Variants in PPEF2 observed in about 807,000 individuals in gnomAD.
PPEF2 encodes the protein protein phosphatase with EF-hand domain 2, also known as serine/threonine-protein phosphatase with EF-hands 2.
Under a neutral mutation model 84.7 loss-of-function variants are expected in PPEF2, and 84 were observed. The observed-to-expected ratio is 0.99, with a 90% CI of 0.83 to 1.19. The LOEUF (loss-of-function observed/expected upper bound fraction) is 1.19. PPEF2 is among the 50% of genes most tolerant of loss of function. The pLI is 0.00. For missense variants in PPEF2, 924 were observed against 937.5 expected, an observed-to-expected ratio of 0.99 and a Z score of 0.19; for synonymous variants, 346 against 345.2, an observed-to-expected ratio of 1.00 and a Z score of -0.03.
At chr4:75,898,863 C>T (rs1256379654) in intron 1 of PPEF2, among the ~76,000 whole-genome samples, 1 of 152,014 alleles carries the variant, frequency 6.6e-6, no homozygotes, top group Non-Finnish European at 1.5e-5. Context: ...GTTATGAGGA[C>T]ATTCAAAATT....
rs10605237 is a variant in PPEF2 at position 75,893,499 on chromosome 4, C to CAT, written c.56-1522_56-1521insAT. Among the ~76,000 whole-genome samples, 10 of 150,116 alleles carry CAT rather than the reference C, an allele frequency of 6.7e-5. No homozygotes were observed. The East Asian group carries it at 1.8e-3, about 26-fold the overall frequency. On this transcript the variant is annotated intron_variant, in intron 2 of 16. Coordinates refer to ENST00000286719, the MANE Select transcript of PPEF2 (RefSeq NM_006239.3). ...GGCTAGAGACTCTGACACACACACA[C>CAT]ACACACACACTCACACACAAAAGAG... is the stretch of plus-strand genomic sequence containing the variant.
At chr4:75,887,534 T>A (rs111248982) in intron 6 of PPEF2, among the ~76,000 whole-genome samples, 1 of 150,016 alleles carries the variant, frequency 6.7e-6, no homozygotes, top group Non-Finnish European at 1.5e-5. Flanking sequence ...GGCAGGAGAA[T>A]CGTGTGAACC....
At chr4:75,884,464 G>A in intron 8 of PPEF2, 130 bp downstream of exon 8, 1 of 1,080,356 alleles carries the variant, frequency 9.3e-7, no homozygotes, top group Non-Finnish European at 1.3e-6. Flanking sequence ...TATATACTGT[G>A]TATTCTGCTT....
chr4:75,891,777 C>G, intron 3 of PPEF2, 72 bp from the exon 4 acceptor site: 1 of 1,596,072 alleles, frequency 6.3e-7, no homozygotes, highest in Non-Finnish European at 8.6e-7. Flanking sequence ...TCCAGTTGGC[C>G]TCACTTTAGG....
chr4:75,867,257 A>G (rs1724152131), intron 14 of PPEF2, 56 bp downstream of exon 14: 1 of 1,369,172 alleles, frequency 7.3e-7, no homozygotes, highest in African/African-American at 1.5e-5. Flanking sequence ...AGTGTAAGAC[A>G]GAGATTTTCT....
At chr4:75,865,097 C>A (rs920446618) in intron 15 of PPEF2, among the ~76,000 whole-genome samples, 4 of 151,790 alleles carry the variant, frequency 2.6e-5, no homozygotes, top group African/African-American at 7.3e-5. Context: ...CCACCATGCC[C>A]GGCTAATTTT....
At chr4:75,901,738 G>A (rs76167782) in intron 1 of PPEF2, among the ~76,000 whole-genome samples, 252 of 152,222 alleles carry the variant, frequency 1.7e-3, no homozygotes, top group African/African-American at 5.5e-3. Context: ...TCCACCCAAC[G>A]TGGGTGAGAC....
intron 2 of PPEF2, 24 bp from the exon 3 acceptor site, chr4:75,892,002 G>A: frequency 6.2e-7 from 1 of 1,607,510 alleles, no homozygotes; most frequent in Non-Finnish European, 8.5e-7. Flanking sequence ...GGAGAAGCAA[G>A]CCTGTGAGCT....
Position 75,867,305 on chromosome 4 carries a change from A to G in PPEF2, c.1756+8T>C. The G allele has an allele frequency of 6.2e-7, 1 of 1,603,590 alleles. No individual in the cohort carries two copies. Among genetic ancestry groups the G allele is most frequent in the Non-Finnish European group, 8.5e-7 (1 of 1,171,208 alleles). ...TCCTCTGTGAATCTTTAACTTGATC[A>G]TTCTTACCGACTTTATCTGCATCAT... On this transcript the variant is annotated splice_region_variant and intron_variant, in intron 14 of 16. Transcript: ENST00000286719.
Position 75,867,320 on chromosome 4 carries a change from A to G in PPEF2, c.1749T>C (p.Asp583=). Residue 583 remains aspartate, a synonymous_variant, in exon 14 of 17, where the codon GAT becomes GAC. Coordinates refer to ENST00000286719, the MANE Select transcript of PPEF2 (RefSeq NM_006239.3). ...TAACTTGATCATTCTTACCGACTTT[A>G]TCTGCATCATGCTTCTTAAATTCAC... ...LLSEFKKHDA[D]KVGLITLSDW... The G allele has an allele frequency of 1.2e-6, 2 of 1,611,928 alleles. No individual in the cohort carries two copies. The highest frequency in any genetic ancestry group is 1.7e-6 in the Non-Finnish European group (2 of 1,178,270).
intron 12 of PPEF2, 133 bp from the exon 13 acceptor site, chr4:75,872,300 T>C: frequency 2.3e-6 from 2 of 881,504 alleles, no homozygotes; most frequent in Non-Finnish European, 1.6e-6. Context: ...TTTTCTTTCT[T>C]TCTTTCTTTC....
At chr4:75,891,519 T>C (rs1724881117) in intron 4 of PPEF2, 129 bp downstream of exon 4, 3 of 1,022,748 alleles carry the variant, frequency 2.9e-6, no homozygotes, top group Non-Finnish European at 1.4e-6. Context: ...TGCCATTTAC[T>C]CCTCAGCCCC....
intron 14 of PPEF2, chr4:75,866,605 A>T: frequency 2.0e-6 from 1 of 489,252 alleles, no homozygotes; most frequent in Non-Finnish European, 3.7e-6. Context: ...ATTGCATAAA[A>T]ATTATTTGTT....
At chr4:75,875,398 CAG>C (rs1201324094) in intron 11 of PPEF2, among the ~76,000 whole-genome samples, 1 of 152,122 alleles carries the variant, frequency 6.6e-6, no homozygotes. Context: ...GCTTGAGCCT[CAG>C]GGGTTCAAGA....
At position 75,882,971 on chromosome 4, in the gene PPEF2, T is replaced by C. The variant is rs765387056; in HGVS notation, c.888A>G (p.Ser296=). The C allele has an allele frequency of 3.7e-6, 6 of 1,614,188 alleles. No individual in the cohort carries two copies. The highest frequency in any genetic ancestry group is 2.7e-5 in the African/African-American group (2 of 75,056). Residue 296 remains serine, a synonymous_variant, in exon 10 of 17, where the codon TCA becomes TCG. Coordinates refer to ENST00000286719, the MANE Select transcript of PPEF2 (RefSeq NM_006239.3). ...CCAAAAGCTCCAGATCAGTTATGTCTGACACCCCACCATGAAGAATTAGAA... is the reference window on the plus strand; with the variant it reads ...CCAAAAGCTCCAGATCAGTTATGTCCGACACCCCACCATGAAGAATTAGAA... ...EKVLILHGGV[S]DITDLELLDK...
chr4:75,891,618 AG>A (rs1404012564), intron 4 of PPEF2, 29 bp downstream of exon 4: 2 of 1,571,506 alleles, frequency 1.3e-6, no homozygotes, highest in Non-Finnish European at 1.7e-6. Context: ...TTGCGACAGG[AG>A]GACATGACAT....
chr4:75,877,006 A>AAAAGAAAGAAAGAAAGAAAGAAAGAAAG (rs71657381), intron 10 of PPEF2, among the ~76,000 whole-genome samples: 2,545 of 53,626 alleles, frequency 0.047, 801 homozygotes, highest in Middle Eastern at 0.088. Flanking sequence ...AGACCCTGAA[A>AAAAGAAAGAAAGAAAGAAAGAAAGAAAG]AAAGAAAGAA....
rs895943419 is a variant in PPEF2, at chr4:75,891,542, TG to T, written c.241+105del. 8.4e-6 allele frequency: 11 copies of T among 1,306,602 alleles called. No individual in the cohort carries two copies. In the African/African-American group the frequency reaches 1.2e-4, roughly 14 times the overall value. 80.9% of individuals were successfully genotyped at this position (1,306,602 alleles called of 1,614,324 possible). On this transcript the variant is annotated intron_variant, in intron 4 of 16. Transcript: ENST00000286719. ...ACTCCTCAGCCCCTTGCTTATTCCC[TG>T]GCTGTCACCAGATTCACGGTTTCAC...
Position 75,883,149 on chromosome 4 carries a change from C to T in PPEF2, c.783+17G>A. On this transcript the variant is annotated intron_variant, in intron 9 of 16. Transcript: ENST00000286719. ...TATCTGAACTGAGAGAAACTTTTGTCTTTAAAGGCAGCGCACCTTGTATTT... is the reference window on the plus strand; with the variant it reads ...TATCTGAACTGAGAGAAACTTTTGTTTTTAAAGGCAGCGCACCTTGTATTT... 1 of 1,613,876 alleles carries T rather than the reference C, an allele frequency of 6.2e-7. No individual in the cohort carries two copies. Among genetic ancestry groups the T allele is most frequent in the Non-Finnish European group, 8.5e-7 (1 of 1,179,864 alleles).
Sources: allele counts gnomAD v4.1 joint callset (sites outside exome capture counted in the v4.1 genomes callset), GRCh38; gene constraint gnomAD v4.1.1; transcripts MANE v1.5; gene names NCBI Gene and HGNC (gene_info 2026-07-23, HGNC 2026-07-21).